EPB41L4A: variants seen among roughly 807,000 people sequenced by gnomAD.
EPB41L4A encodes band 4.1-like protein 4A.
A neutral mutation model predicts 108.6 loss-of-function variants in EPB41L4A; 100 were observed. The ratio of observed to expected loss-of-function variants is 0.92; its 90% CI spans 0.78 to 1.09. The LOEUF (loss-of-function observed/expected upper bound fraction) is 1.09. Among genes scored for constraint, EPB41L4A ranks in the 50% least tolerant of loss-of-function variants. EPB41L4A has a pLI of 0.00. For synonymous variants in EPB41L4A, 319 were observed against 289.0 expected, an observed-to-expected ratio of 1.10 and a Z score of -1.05; for missense variants, 1,030 against 842.7, an observed-to-expected ratio of 1.22 and a Z score of -2.75.
chr5:112,307,618 T>A, intron 1 of EPB41L4A, 128 bp from the exon 2 acceptor site: 2 of 518,250 alleles, frequency 3.9e-6, no homozygotes, highest in Non-Finnish European at 6.6e-6. Context: ...ATGGTTCTTC[T>A]CTGTAAGTTG....
Position 112,353,474 on chromosome 5 carries a change from G to A in EPB41L4A, c.100-45984C>T, listed in dbSNP as rs1046064590. On this transcript the variant is annotated intron_variant, in intron 1 of 22. Coordinates refer to ENST00000261486, the MANE Select transcript of EPB41L4A (RefSeq NM_022140.5). Reference sequence around the variant, plus strand: ...CAGACAGCATGTGCTGAGGTTAGTGGTGGTGGTGATGAGCTGAGCAGGCCA... The same window carrying A: ...CAGACAGCATGTGCTGAGGTTAGTGATGGTGGTGATGAGCTGAGCAGGCCA... 2.6e-5 allele frequency among the ~76,000 whole-genome samples: 4 copies of A among 152,032 alleles called. No homozygotes were observed. In the East Asian group the frequency reaches 7.7e-4, roughly 29 times the overall value.
chr5:112,417,873 C>A (rs6865127), intron 1 of EPB41L4A, among the ~76,000 whole-genome samples: 18,142 of 152,212 alleles, frequency 0.12, 3,527 homozygotes, highest in African/African-American at 0.4. Flanking sequence ...AACGCTGAAA[C>A]TTTTAGCCAG....
chr5:112,394,105 T>C (rs1046232554), intron 1 of EPB41L4A, among the ~76,000 whole-genome samples: 8 of 152,194 alleles, frequency 5.3e-5, no homozygotes, highest in African/African-American at 1.9e-4. Flanking sequence ...TAATAAGAGC[T>C]ATTTATGACA....
chr5:112,262,409 G>C, intron 7 of EPB41L4A, 85 bp downstream of exon 7: 5 of 1,098,616 alleles, frequency 4.6e-6, no homozygotes, highest in Non-Finnish European at 6.9e-6. Flanking sequence ...CAACAGGACT[G>C]CAGCTTTCCT....
intron 1 of EPB41L4A, among the ~76,000 whole-genome samples, chr5:112,311,990 T>C (rs1316277596): frequency 6.6e-6 from 1 of 152,204 alleles, no homozygotes. Context: ...GAAACAATTA[T>C]GCCTGAAATT....
intron 1 of EPB41L4A, among the ~76,000 whole-genome samples, chr5:112,352,865 G>A (rs558467092): frequency 5.3e-4 from 81 of 152,110 alleles, no homozygotes; most frequent in South Asian, 1.7e-3. Context: ...TGTTCCTTTG[G>A]AGGGGTCCTG....
intron 1 of EPB41L4A, among the ~76,000 whole-genome samples, chr5:112,331,871 G>A (rs182010977): frequency 2.6e-5 from 4 of 152,192 alleles, no homozygotes; most frequent in South Asian, 4.1e-4. Flanking sequence ...TTCTGAGGGC[G>A]TATTAGAACT....
intron 1 of EPB41L4A, among the ~76,000 whole-genome samples, chr5:112,353,573 G>T (rs1758185669): frequency 6.6e-6 from 1 of 151,954 alleles, no homozygotes; most frequent in Non-Finnish European, 1.5e-5. Flanking sequence ...CCCATTTTCA[G>T]ACCTGTGGGA....
intron 4 of EPB41L4A, among the ~76,000 whole-genome samples, chr5:112,274,324 T>C (rs1224798498): frequency 1.3e-5 from 2 of 152,046 alleles, no homozygotes; most frequent in Non-Finnish European, 2.9e-5. Flanking sequence ...AATCTTTTCA[T>C]CAATCAATCA....
At chr5:112,198,358 A>G (rs918141843) in intron 15 of EPB41L4A, among the ~76,000 whole-genome samples, 2 of 152,122 alleles carry the variant, frequency 1.3e-5, no homozygotes, top group Non-Finnish European at 2.9e-5. Context: ...ATTTGTCACT[A>G]TTTGTACATG....
chr5:112,330,096 T>C (rs967056311), intron 1 of EPB41L4A, among the ~76,000 whole-genome samples: 9 of 151,870 alleles, frequency 5.9e-5, no homozygotes, highest in Non-Finnish European at 8.8e-5. Context: ...TTAAAGTATA[T>C]GGTAGCAAGA....
chr5:112,407,283 G>C (rs1348828289), intron 1 of EPB41L4A, among the ~76,000 whole-genome samples: 1 of 152,104 alleles, frequency 6.6e-6, no homozygotes, highest in Non-Finnish European at 1.5e-5. Context: ...AGACTGTAAA[G>C]CTTATATTAT....
At chr5:112,320,950 G>A (rs1462175533) in intron 1 of EPB41L4A, among the ~76,000 whole-genome samples, 1 of 152,176 alleles carries the variant, frequency 6.6e-6, no homozygotes, top group Non-Finnish European at 1.5e-5. Context: ...GTCTGAGTTG[G>A]CGCCCCCACT....
intron 1 of EPB41L4A, among the ~76,000 whole-genome samples, chr5:112,316,817 G>C (rs1580672492): frequency 6.6e-6 from 1 of 152,142 alleles, no homozygotes; most frequent in South Asian, 2.1e-4. Context: ...AGGTCTACCT[G>C]GGCTGAAGAA....
At chr5:112,334,897 G>A (rs556405165) in intron 1 of EPB41L4A, among the ~76,000 whole-genome samples, 15 of 152,236 alleles carry the variant, frequency 9.9e-5, no homozygotes, top group African/African-American at 3.4e-4. Context: ...ACTGATATAA[G>A]GGGTCTGGGT....
intron 1 of EPB41L4A, among the ~76,000 whole-genome samples, chr5:112,361,420 C>T (rs1320424046): frequency 6.6e-6 from 1 of 151,870 alleles, no homozygotes; most frequent in South Asian, 2.1e-4. Flanking sequence ...AAACCAGAGA[C>T]CTTTGTTCAC....
At chr5:112,203,259 GGCAGGAGAATCGCT>G (rs1204215040) in intron 15 of EPB41L4A, among the ~76,000 whole-genome samples, 1 of 152,070 alleles carries the variant, frequency 6.6e-6, no homozygotes, top group Non-Finnish European at 1.5e-5. Flanking sequence ...AGGGGGCTGA[GGCAGGAGAATCGCT>G]CGAACCCAGG....
intron 17 of EPB41L4A, among the ~76,000 whole-genome samples, chr5:112,191,770 C>T (rs1323236275): frequency 6.6e-6 from 1 of 151,970 alleles, no homozygotes; most frequent in Non-Finnish European, 1.5e-5. Context: ...TGACTCTGTC[C>T]GGAGTTCCAA....
At chr5:112,227,290 A>C (rs979896079) in intron 12 of EPB41L4A, among the ~76,000 whole-genome samples, 3 of 152,310 alleles carry the variant, frequency 2.0e-5, no homozygotes, top group Admixed American at 2.0e-4. Context: ...GCACCTCAAC[A>C]TAATAACATC....
Sources: gnomAD v4.1 joint callset for allele counts (sites outside exome capture counted in the v4.1 genomes callset) on GRCh38, gnomAD v4.1.1 for gene constraint, MANE v1.5 for transcripts, NCBI Gene and HGNC (gene_info 2026-07-23, HGNC 2026-07-21) for gene names.